The following PGLS variants were observed in gnomAD, a reference collection of about 807,000 sequenced individuals.
PGLS encodes the protein 6-phosphogluconolactonase, also known as epididymis secretory protein Li 304.
A neutral mutation model predicts 23.2 loss-of-function variants in PGLS; 21 were observed. The observed-to-expected ratio is 0.91, with a 90% CI of 0.64 to 1.31. PGLS has a LOEUF of 1.31. Among genes scored for constraint, PGLS ranks in the 50% most tolerant of loss-of-function variants. PGLS has a pLI of 0.00. For missense variants in PGLS, 410 were observed against 354.0 expected (o/e 1.16, Z -1.27); for synonymous variants, 179 against 165.4 (o/e 1.08, Z -0.63).
chr19:17,517,583 T>A, intron 3 of PGLS, 127 bp from the exon 4 acceptor site: 1 of 1,137,376 alleles, frequency 8.8e-7, no homozygotes, highest in Non-Finnish European at 1.3e-6. Context: ...GACCTTAAAC[T>A]ACCCACCATG....
At position 17,521,040 on chromosome 19, in the gene PGLS, C is replaced by T. The variant is rs142347330; in HGVS notation, c.736C>T (p.Arg246Cys). The change falls in exon 5 of 5, where the codon CGC (arginine) becomes TGC (cysteine). Residue 246 changes from arginine (R) to cysteine (C), a missense_variant. Coordinates refer to ENST00000252603, the MANE Select transcript of PGLS (RefSeq NM_012088.3). ...LCWFLDEAAA[R>C]LLTVPFEKHS... ...CTGGTTCTTGGACGAGGCGGCCGCC[C>T]GCCTCCTGACCGTGCCCTTCGAGAA... The T allele has an allele frequency of 9.2e-4, 1,472 of 1,601,940 alleles. 8 individuals carry two copies. In the African/African-American group the frequency reaches 0.016, roughly 17 times the overall value.
In PGLS at chr19:17,511,714, T is replaced by C. The variant is rs770261837; in HGVS notation, c.42T>C (p.Ser14=). 1 of 1,509,744 alleles carries C rather than the reference T, an allele frequency of 6.6e-7. No homozygotes were observed. The highest frequency in any genetic ancestry group is 1.2e-5 in the South Asian group (1 of 82,306). 93.5% of individuals were successfully genotyped at this position (1,509,744 alleles called of 1,614,324 possible). ...PAPGLISVFS[S]SQELGAALAQ... ...CGGGCCTCATCTCGGTGTTCTCGAG[T>C]TCCCAGGAGCTGGGTGCGGCGCTAG... The change falls in exon 1 of 5, where the codon AGT becomes AGC. Residue 14 remains serine (S), a synonymous_variant. Coordinates refer to ENST00000252603, the MANE Select transcript of PGLS (RefSeq NM_012088.3).
chr19:17,519,551 C>T (rs2144646404), intron 4 of PGLS, among the ~76,000 whole-genome samples: 1 of 151,938 alleles, frequency 6.6e-6, no homozygotes, highest in South Asian at 2.1e-4. Flanking sequence ...AGGCACCTGC[C>T]ACCACGCCCA....
Position 17,516,273 on chromosome 19 carries a change from T to C in PGLS, c.389T>C (p.Leu130Pro). ...GCGGCTGAGGACTACGCCAAGAAGC[T>C]GAGACAGGTGAGCCCCGAGGAGCGG... ...EEAAEDYAKKLRQAFQGDSIP... is the reference protein window; with the variant it reads ...EEAAEDYAKKPRQAFQGDSIP... The change falls in exon 2 of 5, where the codon CTG (leucine) becomes CCG (proline). Residue 130 changes from leucine to proline, a missense_variant. Leu to Pro is a moderately conservative substitution (Grantham distance 98, BLOSUM62 -3). Coordinates refer to ENST00000252603, the MANE Select transcript of PGLS (RefSeq NM_012088.3). 6.2e-7 allele frequency: 1 copy of C among 1,613,480 alleles called. No individual in the cohort carries two copies. Among genetic ancestry groups the C allele is most frequent in the Non-Finnish European group, 8.5e-7 (1 of 1,179,682 alleles).
At position 17,517,764 on chromosome 19, in the gene PGLS, C is replaced by T. The variant is rs146930299; in HGVS notation, c.553C>T (p.Arg185Cys). ...TGACTCCCCGAAGCCACCGCCACAGCGTGTGACCCTCACACTACCTGTCCT... is the reference window on the plus strand; with the variant it reads ...TGACTCCCCGAAGCCACCGCCACAGTGTGTGACCCTCACACTACCTGTCCT... ...ISDSPKPPPQ[R>C]VTLTLPVLNA... Residue 185 changes from arginine to cysteine, a missense_variant, in exon 4 of 5, where the codon CGT (arginine) becomes TGT (cysteine). Arg to Cys is a radical substitution (Grantham distance 180). Coordinates refer to ENST00000252603, the MANE Select transcript of PGLS (RefSeq NM_012088.3). 16 of 1,613,960 alleles carry T rather than the reference C, an allele frequency of 9.9e-6. No individual in the cohort carries two copies. Among genetic ancestry groups the T allele is most frequent in the South Asian group, 2.2e-5 (2 of 91,086 alleles).
At chr19:17,516,436 C>T in intron 2 of PGLS, 156 bp downstream of exon 2, 1 of 1,413,586 alleles carries the variant, frequency 7.1e-7, no homozygotes, top group Non-Finnish European at 9.2e-7. Context: ...ACAGCCCTGC[C>T]CTGGGGAGCC....
Position 17,517,354 on chromosome 19 carries a change from A to G in PGLS, c.463A>G (p.Thr155Ala), listed in dbSNP as rs750494605. The G allele has an allele frequency of 1.9e-6, 3 of 1,613,854 alleles. No homozygotes were observed. Among genetic ancestry groups the G allele is most frequent in the Non-Finnish European group, 2.5e-6 (3 of 1,179,890 alleles). ...LILGVGPDGHTCSLFPDHPLL... is the reference protein window; with the variant it reads ...LILGVGPDGHACSLFPDHPLL... ...CCTGGGGGTGGGCCCCGATGGTCAC[A>G]CCTGCTCACTCTTCCCAGACCACCC... Residue 155 changes from threonine (T) to alanine (A), a missense_variant, in exon 3 of 5, where the codon ACC (threonine) becomes GCC (alanine). Coordinates refer to ENST00000252603, the MANE Select transcript of PGLS (RefSeq NM_012088.3).
At chr19:17,513,512 T>TA (rs34816451) in intron 1 of PGLS, among the ~76,000 whole-genome samples, 3,210 of 137,780 alleles carry the variant, frequency 0.023, 92 homozygotes, top group African/African-American at 0.069. Flanking sequence ...GTCTTAAAGA[T>TA]AAAAAAAAAA....
intron 1 of PGLS, among the ~76,000 whole-genome samples, chr19:17,514,080 C>T (rs1459266129): frequency 1.3e-5 from 2 of 152,204 alleles, no homozygotes; most frequent in Admixed American, 6.6e-5. Context: ...GGCTACATAA[C>T]GAATGACCAC....
At chr19:17,514,777 C>G (rs2075525336) in intron 1 of PGLS, among the ~76,000 whole-genome samples, 1 of 152,116 alleles carries the variant, frequency 6.6e-6, no homozygotes, top group Admixed American at 6.5e-5. Flanking sequence ...CTCAGCCTCC[C>G]AAGTAGCTGG....
At chr19:17,513,961 T>C (rs2075521530) in intron 1 of PGLS, among the ~76,000 whole-genome samples, 1 of 152,196 alleles carries the variant, frequency 6.6e-6, no homozygotes, top group Non-Finnish European at 1.5e-5. Flanking sequence ...GGTCAAGCTG[T>C]GGCAAGAGGG....
intron 4 of PGLS, among the ~76,000 whole-genome samples, chr19:17,519,478 C>T (rs2075547738): frequency 1.3e-5 from 2 of 151,972 alleles, no homozygotes; most frequent in African/African-American, 4.8e-5. Context: ...CAGCTCACTG[C>T]AACCTCCACC....
At chr19:17,516,516 GT>G in intron 2 of PGLS, 1 of 1,329,908 alleles carries the variant, frequency 7.5e-7, no homozygotes, top group Non-Finnish European at 9.7e-7. Flanking sequence ...AATATGATGG[GT>G]ATGGCTATGG....
intron 2 of PGLS, 140 bp downstream of exon 2, chr19:17,516,420 G>A (rs927366788): frequency 1.0e-5 from 15 of 1,435,464 alleles, no homozygotes; most frequent in Non-Finnish European, 1.1e-5. Flanking sequence ...TCCCCTCTTC[G>A]AGGCCACAGC....
At chr19:17,514,623 C>G (rs2075524670) in intron 1 of PGLS, among the ~76,000 whole-genome samples, 1 of 152,074 alleles carries the variant, frequency 6.6e-6, no homozygotes, top group African/African-American at 2.4e-5. Flanking sequence ...TCCTCAGTAG[C>G]TGGGACTACA....
rs189427649 is a variant in PGLS at position 17,520,793 on chromosome 19, C to T, written c.640-151C>T. ...GATAGAAAGGAAGGGACTCTTGTCC[C>T]TGCTGTTTGGCACTAGGACAGCTGA... On this transcript the variant is annotated intron_variant, in intron 4 of 4. Transcript: ENST00000252603. The T allele has an allele frequency of 1.6e-3, 1,036 of 643,576 alleles. 13 individuals are homozygous for T. The African/African-American group carries it at 0.018, about 11-fold the overall frequency. 39.9% of individuals were successfully genotyped at this position (643,576 alleles called of 1,614,324 possible).
intron 1 of PGLS, 149 bp downstream of exon 1, chr19:17,512,109 A>G (rs2075510842): frequency 3.6e-6 from 3 of 841,156 alleles, no homozygotes; most frequent in Non-Finnish European, 5.2e-6. Context: ...TATCATGCCA[A>G]GAGGGCCGTG....
In PGLS at chr19:17,512,326, G is replaced by T. The variant is rs2075513020; in HGVS notation, c.288+366G>T. 2.9e-5 allele frequency: 9 copies of T among 305,418 alleles called. No individual in the cohort carries two copies. In the South Asian group the frequency reaches 3.5e-4, roughly 12 times the overall value. 18.9% of individuals were successfully genotyped at this position (305,418 alleles called of 1,614,324 possible). A position where few individuals can be genotyped will look rare whatever the true frequency, so the allele number is the denominator to read the frequency against. On this transcript the variant is annotated intron_variant, in intron 1 of 4. Coordinates refer to ENST00000252603, the MANE Select transcript of PGLS (RefSeq NM_012088.3). ...ACCCCGCCTACAGTGGGTCCCGCAG[G>T]ACCTCACTGCGCCCTCTGCCTTTAT...
intron 1 of PGLS, chr19:17,512,224 A>G (rs1323802583): frequency 5.9e-6 from 3 of 508,342 alleles, no homozygotes; most frequent in African/African-American, 2.1e-5. Context: ...TCATGCCGAG[A>G]TGGTCACGCC....
Sources: allele counts gnomAD v4.1 joint callset (sites outside exome capture counted in the v4.1 genomes callset), GRCh38; gene constraint gnomAD v4.1.1; transcripts MANE v1.5; gene names NCBI Gene and HGNC (gene_info 2026-07-23, HGNC 2026-07-21).